TG: variants seen among roughly 807,000 people sequenced by gnomAD.
The protein encoded by TG is thyroid hormones.
A neutral mutation model predicts 324.7 loss-of-function variants in TG; 270 were observed. The observed-to-expected ratio is 0.83, with a 90% CI of 0.75 to 0.92. The LOEUF is 0.92. TG is among the 40% of genes least tolerant of loss of function. The probability of loss-of-function intolerance (pLI) is 0.00; values close to 1 mark genes in which losing one functional copy is unlikely to be tolerated. For synonymous variants in TG, 1,401 were observed against 1,327.0 expected, an observed-to-expected ratio of 1.06 and a Z score of -1.21; for missense variants, 3,591 against 3,456.4, an observed-to-expected ratio of 1.04 and a Z score of -0.98.
intron 35 of TG, chr8:133,003,267 A>AT (rs1351747595): frequency 2.0e-5 from 3 of 153,564 alleles, no homozygotes; most frequent in African/African-American, 7.2e-5. Context: ...AGAAAAGAGA[A>AT]TTAAACACGA....
chr8:133,096,406 C>A (rs1268862696), intron 43 of TG, 33 bp downstream of exon 43: 1 of 1,613,452 alleles, frequency 6.2e-7, no homozygotes. Context: ...ATGTCTCCAG[C>A]TGGGCATTTC....
intron 18 of TG, among the ~76,000 whole-genome samples, chr8:132,909,979 A>C (rs1375725438): frequency 6.6e-6 from 1 of 152,200 alleles, no homozygotes; most frequent in Non-Finnish European, 1.5e-5. Flanking sequence ...AGATTAAACT[A>C]GCTAATATGT....
chr8:133,059,073 G>A (rs1396899478), intron 41 of TG: 5 of 456,328 alleles, frequency 1.1e-5, no homozygotes, highest in Non-Finnish European at 1.8e-5. Flanking sequence ...TGGAGGCAGC[G>A]CAGGAACCTG....
At chr8:133,002,941 C>A in intron 35 of TG, 1 of 969,384 alleles carries the variant, frequency 1.0e-6, no homozygotes, top group Non-Finnish European at 1.2e-6. Context: ...TTGAACAGTG[C>A]CCATTCCCTT....
intron 39 of TG, among the ~76,000 whole-genome samples, chr8:133,021,497 T>C (rs1835558812): frequency 1.3e-5 from 2 of 152,188 alleles, no homozygotes; most frequent in Admixed American, 1.3e-4. Flanking sequence ...TCCTTCTCTA[T>C]GAATGGGGTT....
chr8:132,896,296 G>A (rs920398513), intron 11 of TG, among the ~76,000 whole-genome samples: 12 of 152,244 alleles, frequency 7.9e-5, no homozygotes, highest in African/African-American at 2.9e-4. Context: ...GCAGACTCCA[G>A]AACGCTGTCC....
At chr8:133,134,111 A>C (rs1425994581) in intron 47 of TG, among the ~76,000 whole-genome samples, 1 of 152,208 alleles carries the variant, frequency 6.6e-6, no homozygotes, top group African/African-American at 2.4e-5. Flanking sequence ...AGGAGAGAAA[A>C]GAAATTATAA....
intron 44 of TG, among the ~76,000 whole-genome samples, chr8:133,115,785 G>A (rs889855241): frequency 2.6e-5 from 4 of 152,230 alleles, no homozygotes; most frequent in Admixed American, 2.0e-4. Context: ...GGCTGGGGCC[G>A]CCTCTCTAAG....
rs773795717 is a variant in TG at position 132,923,454 on chromosome 8, C to T, written c.4645C>T (p.Arg1549Trp). The change falls in exon 22 of 48, where the codon CGG (arginine) becomes TGG (tryptophan). Residue 1549 changes from arginine to tryptophan, a missense_variant. Transcript: ENST00000220616. The part of the protein sequence containing the change: ...GKAFCVDGEG[R>W]RLPWWETEAP... ...GGCCTTCTGTGTGGACGGCGAGGGG[C>T]GGAGGCTGCCATGGTGGGAAACAGA... 110 of 1,613,850 alleles carry T rather than the reference C, an allele frequency of 6.8e-5. No homozygotes were observed. The highest frequency in any genetic ancestry group is 2.7e-4 in the Admixed American group (16 of 59,972).
intron 10 of TG, among the ~76,000 whole-genome samples, chr8:132,892,240 C>T (rs1470994806): frequency 6.6e-6 from 1 of 152,176 alleles, no homozygotes; most frequent in Non-Finnish European, 1.5e-5. Flanking sequence ...AACCATCTAT[C>T]CATGCATCCA....
chr8:132,988,796 C>T, intron 35 of TG: 1 of 985,392 alleles, frequency 1.0e-6, no homozygotes, highest in Non-Finnish European at 1.2e-6. Flanking sequence ...ATCGTCGCAC[C>T]CCTTCCCTGC....
rs1464297690 is a variant in TG, at chr8:132,908,204, C to G, written c.3866C>G (p.Thr1289Ser). ...CCTGCAGGGCCCCAGCTGTGGCAGA[C>G]CATCCAGACCCAAGGGCACTTTCAG... ...RACQRPQLWQ[T>S]IQTQGHFQLQ... Residue 1289 changes from threonine to serine, a missense_variant, in exon 18 of 48, where the codon ACC (threonine) becomes AGC (serine). Coordinates refer to ENST00000220616, the MANE Select transcript of TG (RefSeq NM_003235.5). 6.2e-7 allele frequency: 1 copy of G among 1,613,910 alleles called. No individual in the cohort carries two copies. The highest frequency in any genetic ancestry group is 8.5e-7 in the Non-Finnish European group (1 of 1,180,026).
chr8:132,891,307 AAAG>A (rs1443700489), intron 10 of TG, among the ~76,000 whole-genome samples: 2 of 152,156 alleles, frequency 1.3e-5, no homozygotes, highest in Non-Finnish European at 2.9e-5. Flanking sequence ...GGAGGGAATG[AAAG>A]AAGAAGAGGC....
chr8:132,873,048 G>T lies in TG; in HGVS notation c.479-14G>T, dbSNP rs373328634. On this transcript the variant is annotated splice_polypyrimidine_tract_variant and intron_variant, in intron 4 of 47. Coordinates refer to ENST00000220616, the MANE Select transcript of TG (RefSeq NM_003235.5). ...ACTCATATATAAGGATTTTTTTTTC[G>T]TGAAAATGTTTAGGTCCAAGGAGCT... The T allele has an allele frequency of 2.5e-6, 4 of 1,609,718 alleles. No individual in the cohort carries two copies. Among genetic ancestry groups the T allele is most frequent in the Non-Finnish European group, 3.4e-6 (4 of 1,178,532 alleles).
intron 26 of TG, among the ~76,000 whole-genome samples, chr8:132,944,488 G>C (rs926270418): frequency 5.9e-5 from 9 of 152,228 alleles, no homozygotes; most frequent in African/African-American, 1.9e-4. Flanking sequence ...GGCTATGAAA[G>C]AGTTATTTAT....
chr8:133,083,470 C>T (rs1846046843), intron 41 of TG, among the ~76,000 whole-genome samples: 1 of 152,134 alleles, frequency 6.6e-6, no homozygotes, highest in Admixed American at 6.5e-5. Context: ...AATAGTTTTC[C>T]TAAGAACACA....
intron 29 of TG, among the ~76,000 whole-genome samples, chr8:132,964,171 T>C (rs1417661552): frequency 6.6e-6 from 1 of 151,962 alleles, no homozygotes; most frequent in African/African-American, 2.4e-5. Flanking sequence ...GAAGGTTCTG[T>C]CAAATCCATC....
chr8:133,047,243 A>C (rs1232749962), intron 41 of TG: 2 of 152,438 alleles, frequency 1.3e-5, no homozygotes, highest in African/African-American at 2.4e-5. Context: ...CATATGATGC[A>C]AGGAAATTGT....
At chr8:133,105,649 G>A (rs1188486972) in intron 43 of TG, among the ~76,000 whole-genome samples, 1 of 152,170 alleles carries the variant, frequency 6.6e-6, no homozygotes, top group Non-Finnish European at 1.5e-5. Flanking sequence ...AAGCTGGAGA[G>A]AGATTTGGGA....
Sources: allele counts gnomAD v4.1 joint callset (sites outside exome capture counted in the v4.1 genomes callset), GRCh38; gene constraint gnomAD v4.1.1; transcripts MANE v1.5; gene names NCBI Gene and HGNC (gene_info 2026-07-23, HGNC 2026-07-21).